The following SEPTIN14 variants were observed in gnomAD, a reference collection of about 807,000 sequenced individuals.
SEPTIN14 encodes septin 14, also known as septin-14.
Under a neutral mutation model 53.6 loss-of-function variants are expected in SEPTIN14, and 40 were observed. The ratio of observed to expected loss-of-function variants is 0.75; its 90% CI spans 0.58 to 0.97. The LOEUF is 0.97. Among genes scored for constraint, SEPTIN14 ranks in the 50% least tolerant of loss-of-function variants. SEPTIN14 has a pLI of 0.00. For synonymous variants in SEPTIN14, 138 were observed against 166.8 expected (o/e 0.83, Z 1.33); for missense variants, 471 against 508.2 (o/e 0.93, Z 0.70).
rs542652495 is a variant in SEPTIN14 at position 55,813,045 on chromosome 7, G to A, written c.818-5787C>T. On this transcript the variant is annotated intron_variant, in intron 7 of 9. Coordinates refer to ENST00000388975, the MANE Select transcript of SEPTIN14 (RefSeq NM_207366.3). ...GCTTACTGCAACCTCCACTTCGCAG[G>A]TTCAAGTGATTCTCCGGCCTCAGCC... Among the ~76,000 whole-genome samples, 175 of 152,068 alleles carry A rather than the reference G, an allele frequency of 1.2e-3. 1 individual carries two copies. Among genetic ancestry groups the A allele is most frequent in the Non-Finnish European group, 2.2e-3 (148 of 67,978 alleles).
intron 2 of SEPTIN14, among the ~76,000 whole-genome samples, chr7:55,852,834 T>C (rs1007025086): frequency 2.6e-5 from 4 of 152,070 alleles, no homozygotes; most frequent in African/African-American, 9.7e-5. Context: ...CTCAAATAAC[T>C]CAATAGGAAA....
At position 55,793,686 on chromosome 7, in the gene SEPTIN14, AG is replaced by A. The variant is rs1788378546; in HGVS notation, c.*2226del. On this transcript the variant is annotated 3_prime_UTR_variant, in exon 10 of 10. Transcript: ENST00000388975. ...CCTAAAAAGAGTAGACCTATATAGC[AG>A]TAGAATTTTGGTATGTGATTGAAGT... The A allele has an allele frequency of 6.6e-6, 1 of 152,208 alleles. No individual in the cohort carries two copies. The highest frequency in any genetic ancestry group is 2.1e-4 in the South Asian group (1 of 4,828). 9.4% of individuals were successfully genotyped at this position (152,208 alleles called of 1,614,324 possible). A position where few individuals can be genotyped will look rare whatever the true frequency, so the allele number is the denominator to read the frequency against.
At chr7:55,820,894 C>T (rs1253872394) in intron 6 of SEPTIN14, among the ~76,000 whole-genome samples, 5 of 151,990 alleles carry the variant, frequency 3.3e-5, no homozygotes, top group South Asian at 2.1e-4. Context: ...GAGCTGAGAT[C>T]GCGCCATTAC....
intron 6 of SEPTIN14, 136 bp from the exon 7 acceptor site, chr7:55,819,359 G>A (rs1788852252): frequency 1.8e-5 from 12 of 649,384 alleles, no homozygotes; most frequent in Non-Finnish European, 3.0e-5. Context: ...GGAGGCCGAG[G>A]TGGGCGGATC....
At chr7:55,830,148 A>G (rs1026524466) in intron 6 of SEPTIN14, among the ~76,000 whole-genome samples, 2 of 147,602 alleles carry the variant, frequency 1.4e-5, no homozygotes, top group African/African-American at 5.0e-5. Flanking sequence ...GCTGCACTCC[A>G]GCCTGGGCGA....
Position 55,815,877 on chromosome 7 carries a change from A to T in SEPTIN14, c.817+3250T>A, listed in dbSNP as rs1364371723. On this transcript the variant is annotated intron_variant, in intron 7 of 9. Coordinates refer to ENST00000388975, the MANE Select transcript of SEPTIN14 (RefSeq NM_207366.3). ...TACCCAGAAGAAAGGAAAGTAGTAT[A>T]TCAAAGAGATAGCTCCACTCCCATG... Among the ~76,000 whole-genome samples, 5 of 152,334 alleles carry T rather than the reference A, an allele frequency of 3.3e-5. No individual in the cohort carries two copies. The East Asian group carries it at 7.7e-4, about 23-fold the overall frequency.
At chr7:55,828,503 A>C (rs926241589) in intron 6 of SEPTIN14, among the ~76,000 whole-genome samples, 1 of 152,010 alleles carries the variant, frequency 6.6e-6, no homozygotes, top group Admixed American at 6.6e-5. Context: ...GTGGGGTTTC[A>C]CCGTGTTAGC....
At chr7:55,832,617 G>T (rs776232252) in intron 6 of SEPTIN14, among the ~76,000 whole-genome samples, 1 of 152,042 alleles carries the variant, frequency 6.6e-6, no homozygotes, top group Non-Finnish European at 1.5e-5. Context: ...ATGGAGCTGG[G>T]GGCCATTATC....
chr7:55,843,444 C>T (rs1789349665), intron 4 of SEPTIN14, among the ~76,000 whole-genome samples: 1 of 152,122 alleles, frequency 6.6e-6, no homozygotes, highest in African/African-American at 2.4e-5. Flanking sequence ...AAAAAGTGGG[C>T]AAAGGACATG....
chr7:55,804,267 G>GC lies in SEPTIN14; in HGVS notation c.1119+990_1119+991insG, dbSNP rs1554327130. On this transcript the variant is annotated intron_variant, in intron 9 of 9. Transcript: ENST00000388975. ...CTAAGCTAATGGTTTGGTTTTTTTT[G>GC]TTTTTTTTTTTTGAGACGGAGTCTC... Among the ~76,000 whole-genome samples the GC allele has an allele frequency of 2.3e-5, 3 of 129,104 alleles. No homozygotes were observed. In the South Asian group the frequency reaches 7.7e-4, roughly 33 times the overall value. 84.7% of individuals were successfully genotyped at this position (129,104 alleles called of 152,430 possible).
chr7:55,808,614 C>T (rs770667708), intron 7 of SEPTIN14, among the ~76,000 whole-genome samples: 19 of 152,060 alleles, frequency 1.2e-4, no homozygotes, highest in Non-Finnish European at 2.8e-4. Flanking sequence ...TGCAGCAGTG[C>T]GACCTCAGCT....
In SEPTIN14 at chr7:55,793,860, A is replaced by G. The variant is rs1788381813; in HGVS notation, c.*2053T>C. On this transcript the variant is annotated 3_prime_UTR_variant, in exon 10 of 10. Transcript: ENST00000388975. ...CTTGTCACTACAAAAAAAATCAACTAAAGATAAAAGAAGTAAATAATTGAG... is the reference window on the plus strand; with the variant it reads ...CTTGTCACTACAAAAAAAATCAACTGAAGATAAAAGAAGTAAATAATTGAG... 3 of 152,140 alleles carry G rather than the reference A, an allele frequency of 2.0e-5. No individual in the cohort carries two copies. Among genetic ancestry groups the G allele is most frequent in the Non-Finnish European group, 2.9e-5 (2 of 68,012 alleles). The allele number at this position is 152,140 out of a possible 1,614,324, so 9.4% of individuals were successfully genotyped here.
At chr7:55,806,541 G>A (rs1001283934) in intron 8 of SEPTIN14, among the ~76,000 whole-genome samples, 2 of 149,108 alleles carry the variant, frequency 1.3e-5, no homozygotes, top group Non-Finnish European at 3.0e-5. Flanking sequence ...TCAGCTCACT[G>A]CAACCTCCGC....
chr7:55,828,081 C>T (rs1001757899), intron 6 of SEPTIN14, among the ~76,000 whole-genome samples: 2 of 151,356 alleles, frequency 1.3e-5, no homozygotes, highest in South Asian at 4.2e-4. Context: ...AGCTCTCTCG[C>T]AATGGATCCT....
At chr7:55,829,821 A>AAAG (rs1491443262) in intron 6 of SEPTIN14, among the ~76,000 whole-genome samples, 1 of 34,140 alleles carries the variant, frequency 2.9e-5, no homozygotes, top group Admixed American at 3.1e-4. Context: ...ACTCCATCTC[A>AAAG]AAAAAAAAAA....
At chr7:55,832,862 A>G (rs1789134077) in intron 6 of SEPTIN14, among the ~76,000 whole-genome samples, 1 of 151,576 alleles carries the variant, frequency 6.6e-6, no homozygotes. Flanking sequence ...AAAAAAAATG[A>G]TCTGTTGGGT....
chr7:55,818,349 G>A (rs956458922), intron 7 of SEPTIN14, among the ~76,000 whole-genome samples: 2 of 151,526 alleles, frequency 1.3e-5, no homozygotes, highest in African/African-American at 4.9e-5. Flanking sequence ...GCAAGCGCAT[G>A]TAATCCCAGC....
At chr7:55,836,464 C>A (rs775790745) in intron 5 of SEPTIN14, among the ~76,000 whole-genome samples, 5 of 152,072 alleles carry the variant, frequency 3.3e-5, no homozygotes, top group Non-Finnish European at 7.4e-5. Context: ...ACAGACCGGG[C>A]GCAGTGGCTC....
At chr7:55,848,413 C>T (rs1282714685) in intron 2 of SEPTIN14, among the ~76,000 whole-genome samples, 5 of 151,968 alleles carry the variant, frequency 3.3e-5, no homozygotes, top group Non-Finnish European at 5.9e-5. Context: ...GCGCCTGCCT[C>T]GGCCTTCCAA....
Sources: allele counts gnomAD v4.1 joint callset (sites outside exome capture counted in the v4.1 genomes callset), GRCh38; gene constraint gnomAD v4.1.1; transcripts MANE v1.5; gene names NCBI Gene and HGNC (gene_info 2026-07-23, HGNC 2026-07-21).